CFDP1: variants seen among roughly 807,000 people sequenced by gnomAD.
CFDP1 encodes heterochromatin-stabilizing protein CFDP1.
CFDP1 carries 31 observed loss-of-function variants against 40.1 expected under a neutral mutation model. The observed-to-expected ratio is 0.77, with a 90% CI of 0.58 to 1.04. CFDP1 has a LOEUF of 1.04. Ranked by LOEUF, CFDP1 falls within the 50% of genes least tolerant of loss-of-function variation. CFDP1 has a pLI of 0.00. For missense variants in CFDP1, 423 were observed against 343.4 expected (o/e 1.23, Z -1.83); for synonymous variants, 167 against 120.0 (o/e 1.39, Z -2.56).
At chr16:75,366,618 G>A (rs1040505681) in intron 5 of CFDP1, among the ~76,000 whole-genome samples, 5 of 152,176 alleles carry the variant, frequency 3.3e-5, no homozygotes, top group Non-Finnish European at 4.4e-5. Context: ...GAGTGAGTGC[G>A]ACTCTGTCTC....
intron 1 of CFDP1, among the ~76,000 whole-genome samples, chr16:75,419,691 A>C (rs1409449909): frequency 6.6e-6 from 1 of 152,158 alleles, no homozygotes; most frequent in Non-Finnish European, 1.5e-5. Context: ...TTGCTGATAA[A>C]ACAGTCTGCC....
intron 5 of CFDP1, among the ~76,000 whole-genome samples, chr16:75,337,298 C>T (rs1364446148): frequency 6.6e-6 from 1 of 152,146 alleles, no homozygotes; most frequent in Non-Finnish European, 1.5e-5. Flanking sequence ...GGCAGTACCA[C>T]AAGGCAGGCA....
intron 6 of CFDP1, among the ~76,000 whole-genome samples, chr16:75,294,924 A>G (rs187364955): frequency 3.3e-5 from 5 of 152,332 alleles, no homozygotes; most frequent in Admixed American, 2.0e-4. Context: ...TGGCTGCTTA[A>G]TGAGACACAG....
intron 5 of CFDP1, among the ~76,000 whole-genome samples, chr16:75,392,139 C>T (rs1012741744): frequency 3.3e-5 from 5 of 152,112 alleles, no homozygotes; most frequent in Non-Finnish European, 7.4e-5. Flanking sequence ...GGTGCAGTGG[C>T]TCATGCCTGT....
At chr16:75,404,754 A>G (rs910755921) in intron 4 of CFDP1, among the ~76,000 whole-genome samples, 5 of 152,186 alleles carry the variant, frequency 3.3e-5, no homozygotes, top group African/African-American at 1.2e-4. Context: ...AAAGGCATGA[A>G]AAACAGTTCT....
At chr16:75,354,762 A>G (rs1597350408) in intron 5 of CFDP1, among the ~76,000 whole-genome samples, 1 of 152,222 alleles carries the variant, frequency 6.6e-6, no homozygotes, top group East Asian at 1.9e-4. Flanking sequence ...CTGGAATAAG[A>G]TGCTAAAAGA....
chr16:75,407,300 C>T (rs1395913646), intron 4 of CFDP1, among the ~76,000 whole-genome samples: 1 of 152,058 alleles, frequency 6.6e-6, no homozygotes, highest in African/African-American at 2.4e-5. Context: ...GGTAAAAATG[C>T]AAGTTAGAAA....
chr16:75,383,281 A>G (rs961108451), intron 5 of CFDP1, among the ~76,000 whole-genome samples: 1 of 152,220 alleles, frequency 6.6e-6, no homozygotes, highest in Non-Finnish European at 1.5e-5. Flanking sequence ...GCCTCTCCCA[A>G]AAGAAAAATT....
chr16:75,392,555 T>C (rs993977258), intron 5 of CFDP1, among the ~76,000 whole-genome samples: 5 of 152,182 alleles, frequency 3.3e-5, no homozygotes, highest in African/African-American at 1.2e-4. Context: ...GGGAGTGCAG[T>C]GGTGCAATCT....
intron 4 of CFDP1, among the ~76,000 whole-genome samples, chr16:75,401,556 C>G (rs1239433375): frequency 6.6e-6 from 1 of 151,738 alleles, no homozygotes; most frequent in East Asian, 1.9e-4. Context: ...GCTGAGATAG[C>G]GCCACTACAC....
intron 5 of CFDP1, among the ~76,000 whole-genome samples, chr16:75,361,685 A>T (rs901920140): frequency 6.6e-6 from 1 of 152,126 alleles, no homozygotes; most frequent in Non-Finnish European, 1.5e-5. Flanking sequence ...AAAAAACTCA[A>T]AGAATTAAAA....
chr16:75,393,673 G>A (rs374160775), intron 5 of CFDP1, among the ~76,000 whole-genome samples: 6 of 147,252 alleles, frequency 4.1e-5, no homozygotes, highest in African/African-American at 1.5e-4. Flanking sequence ...GGAGCTTGCA[G>A]TGAGCCGAGA....
rs184815105 is a variant in CFDP1, at chr16:75,394,847, G to A, written c.650+243C>T. ...CCAGCTAATTTTTTTTTTTTTAAGAGACAGGGTCTTACTGTATTGCCCAGG... is the reference window on the plus strand; with the variant it reads ...CCAGCTAATTTTTTTTTTTTTAAGAAACAGGGTCTTACTGTATTGCCCAGG... On this transcript the variant is annotated intron_variant, in intron 5 of 6. Transcript: ENST00000283882. The A allele has an allele frequency of 6.0e-3, 1,759 of 294,568 alleles. 5 individuals are homozygous for A. The highest frequency in any genetic ancestry group is 0.012 in the Middle Eastern group (10 of 854). 18.2% of individuals were successfully genotyped at this position (294,568 alleles called of 1,614,324 possible).
rs185597119 is a variant in CFDP1 at position 75,334,992 on chromosome 16, G to C, written c.651-29810C>G. Reference sequence around the variant, plus strand: ...AAGAAAAGAAAAAAAGAAAAGTCTGGAGACAAAGCAAAACATCTATTCAGT... The same window carrying C: ...AAGAAAAGAAAAAAAGAAAAGTCTGCAGACAAAGCAAAACATCTATTCAGT... On this transcript the variant is annotated intron_variant, in intron 5 of 6. Transcript: ENST00000283882. Among the ~76,000 whole-genome samples the C allele has an allele frequency of 7.2e-5, 11 of 152,194 alleles. No homozygotes were observed. The East Asian group carries it at 1.5e-3, about 21-fold the overall frequency.
At chr16:75,313,777 A>G (rs2078308826) in intron 5 of CFDP1, among the ~76,000 whole-genome samples, 1 of 150,652 alleles carries the variant, frequency 6.6e-6, no homozygotes, top group Non-Finnish European at 1.5e-5. Context: ...CTTGAATTAC[A>G]TAAAAGAAAT....
intron 5 of CFDP1, among the ~76,000 whole-genome samples, chr16:75,368,595 C>G (rs1318392981): frequency 6.6e-6 from 1 of 152,068 alleles, no homozygotes; most frequent in Non-Finnish European, 1.5e-5. Flanking sequence ...AAAAGATTGG[C>G]AAAATATTGA....
intron 5 of CFDP1, among the ~76,000 whole-genome samples, chr16:75,386,857 A>G (rs1221380993): frequency 6.6e-6 from 1 of 152,274 alleles, no homozygotes; most frequent in Admixed American, 6.5e-5. Context: ...CTCTCCATTC[A>G]TACTTATCTC....
chr16:75,323,063 A>G (rs2078376435), intron 5 of CFDP1, among the ~76,000 whole-genome samples: 1 of 152,128 alleles, frequency 6.6e-6, no homozygotes. Context: ...ACCTTAGCTT[A>G]CTGTAACTTT....
At chr16:75,378,163 C>T (rs1355355853) in intron 5 of CFDP1, among the ~76,000 whole-genome samples, 1 of 152,048 alleles carries the variant, frequency 6.6e-6, no homozygotes, top group East Asian at 1.9e-4. Flanking sequence ...CAGGGATGTG[C>T]GTTGTAAGCT....
Sources: gnomAD v4.1 joint callset for allele counts (sites outside exome capture counted in the v4.1 genomes callset) on GRCh38, gnomAD v4.1.1 for gene constraint, MANE v1.5 for transcripts, NCBI Gene and HGNC (gene_info 2026-07-23, HGNC 2026-07-21) for gene names.